Variants in ATP10B observed in about 807,000 individuals in gnomAD.
ATP10B encodes the protein ATPase phospholipid transporting 10B (putative), also known as phospholipid-transporting ATPase VB.
ATP10B carries 122 observed loss-of-function variants against 141.2 expected under a neutral mutation model. The observed-to-expected ratio is 0.86, with a 90% CI of 0.75 to 1.00. The LOEUF (loss-of-function observed/expected upper bound fraction) is 1.00, where lower values mean the gene tolerates loss of function less well. Among genes scored for constraint, ATP10B ranks in the 50% least tolerant of loss-of-function variants. ATP10B has a pLI of 0.00. For synonymous variants in ATP10B, 685 were observed against 692.0 expected (o/e 0.99, Z 0.16); for missense variants, 1,876 against 1,825.3 (o/e 1.03, Z -0.51).
intron 20 of ATP10B, 172 bp from the exon 21 acceptor site, chr5:160,602,874 C>T: frequency 1.4e-6 from 1 of 719,852 alleles, no homozygotes; most frequent in Non-Finnish European, 2.2e-6. Flanking sequence ...ACCCTCCCTT[C>T]TGGGAAATCC....
chr5:160,860,656 C>A, the ATP10B span, among the ~76,000 whole-genome samples: 2 of 151,916 alleles, frequency 1.3e-5, no homozygotes, highest in African/African-American at 4.8e-5. Context: ...TAGTGGATAA[C>A]TTTTTGGTCC....
chr5:160,745,851 T>A (rs1314938684), intron 2 of ATP10B, among the ~76,000 whole-genome samples: 1 of 152,250 alleles, frequency 6.6e-6, no homozygotes, highest in African/African-American at 2.4e-5. Flanking sequence ...TAGCTGCCCA[T>A]GGGCTGGGCC....
intron 2 of ATP10B, among the ~76,000 whole-genome samples, chr5:160,779,163 G>A (rs559314582): frequency 1.3e-5 from 2 of 152,172 alleles, no homozygotes; most frequent in African/African-American, 2.4e-5. Context: ...CTAAACACCA[G>A]TAGTGAAAGC....
the ATP10B span, among the ~76,000 whole-genome samples, chr5:160,887,964 G>T: frequency 6.6e-6 from 1 of 152,148 alleles, no homozygotes; most frequent in Non-Finnish European, 1.5e-5. Flanking sequence ...TTTGTCTTTG[G>T]TTCACTGCAA....
chr5:160,701,172 T>C (rs1478916094), intron 3 of ATP10B, among the ~76,000 whole-genome samples: 1 of 152,168 alleles, frequency 6.6e-6, no homozygotes, highest in African/African-American at 2.4e-5. Context: ...TTCGCCAAAC[T>C]CTAGATCGAC....
At position 160,716,381 on chromosome 5, in the gene ATP10B, G is replaced by A. The variant is rs950384439; in HGVS notation, c.-205+528C>T. On this transcript the variant is annotated intron_variant, in intron 3 of 25. Transcript: ENST00000327245. ...TCTCATAACAACCCTGTGATGGGGG[G>A]TACTATTAGCATCCCCATTTTACAG... 3.3e-5 allele frequency among the ~76,000 whole-genome samples: 5 copies of A among 152,122 alleles called. No homozygotes were observed. In the East Asian group the frequency reaches 7.7e-4, roughly 24 times the overall value.
At chr5:160,618,614 G>C (rs924322453) in intron 15 of ATP10B, among the ~76,000 whole-genome samples, 1 of 152,208 alleles carries the variant, frequency 6.6e-6, no homozygotes, top group Admixed American at 6.5e-5. Context: ...AAAAATATGT[G>C]TGTTGCTCAA....
chr5:160,599,016 C>A, intron 21 of ATP10B, 46 bp from the exon 22 acceptor site: 1 of 1,591,116 alleles, frequency 6.3e-7, no homozygotes, highest in Non-Finnish European at 8.6e-7. Flanking sequence ...CCATGTGCAG[C>A]CGGTCACCAG....
At chr5:160,595,262 G>A (rs1333470550) in intron 22 of ATP10B, among the ~76,000 whole-genome samples, 3 of 152,104 alleles carry the variant, frequency 2.0e-5, no homozygotes, top group African/African-American at 7.2e-5. Context: ...CAACTACATG[G>A]AAACTGAACA....
chr5:160,912,797 G>A, the ATP10B span, among the ~76,000 whole-genome samples: 1 of 152,212 alleles, frequency 6.6e-6, no homozygotes, highest in Non-Finnish European at 1.5e-5. Context: ...AGATAGTTCA[G>A]CGGGGCTGTC....
intron 1 of ATP10B, among the ~76,000 whole-genome samples, chr5:160,793,497 C>T (rs776166164): frequency 9.2e-5 from 14 of 152,106 alleles, no homozygotes; most frequent in South Asian, 4.1e-4. Context: ...TACAGTCATA[C>T]GCTAAATAAC....
chr5:160,657,402 G>A (rs1389214301), intron 7 of ATP10B, among the ~76,000 whole-genome samples: 2 of 152,112 alleles, frequency 1.3e-5, no homozygotes, highest in African/African-American at 4.8e-5. Context: ...AGAGTGACTG[G>A]CAGTTACTTT....
intron 1 of ATP10B, among the ~76,000 whole-genome samples, chr5:160,820,264 T>C (rs1400842135): frequency 6.6e-6 from 1 of 151,904 alleles, no homozygotes; most frequent in Non-Finnish European, 1.5e-5. Flanking sequence ...ATCAATACAT[T>C]GGAAAATAAA....
intron 7 of ATP10B, among the ~76,000 whole-genome samples, chr5:160,656,186 G>A (rs1761481792): frequency 1.3e-5 from 2 of 152,160 alleles, no homozygotes; most frequent in Admixed American, 6.5e-5. Context: ...TTTTGAAATT[G>A]TTTGTAATGG....
intron 2 of ATP10B, among the ~76,000 whole-genome samples, chr5:160,775,641 G>A (rs1470497919): frequency 1.3e-5 from 2 of 150,594 alleles, no homozygotes; most frequent in African/African-American, 4.9e-5. Flanking sequence ...AGCTACATGG[G>A]TTCAAGAACT....
intron 2 of ATP10B, among the ~76,000 whole-genome samples, chr5:160,761,690 A>G (rs956290956): frequency 1.3e-5 from 2 of 152,222 alleles, no homozygotes; most frequent in African/African-American, 4.8e-5. Flanking sequence ...TAACACTCCT[A>G]AAAGATCACA....
At chr5:160,797,026 T>TG (rs1771995976) in intron 1 of ATP10B, among the ~76,000 whole-genome samples, 2 of 152,088 alleles carry the variant, frequency 1.3e-5, no homozygotes, top group Admixed American at 1.3e-4. Context: ...TCCAGCTGCT[T>TG]GGGGGCACCC....
intron 2 of ATP10B, among the ~76,000 whole-genome samples, chr5:160,729,844 G>T (rs1043494934): frequency 2.0e-5 from 3 of 152,114 alleles, no homozygotes; most frequent in Admixed American, 2.0e-4. Flanking sequence ...AGGCTGAAGA[G>T]AGTAATCAGA....
At chr5:160,789,563 G>T (rs1257140920) in intron 1 of ATP10B, among the ~76,000 whole-genome samples, 1 of 152,192 alleles carries the variant, frequency 6.6e-6, no homozygotes, top group African/African-American at 2.4e-5. Context: ...GACCACTATT[G>T]TATCTGTGGT....
Sources: allele counts gnomAD v4.1 joint callset (sites outside exome capture counted in the v4.1 genomes callset), GRCh38; gene constraint gnomAD v4.1.1; transcripts MANE v1.5; gene names NCBI Gene and HGNC (gene_info 2026-07-23, HGNC 2026-07-21).